GRID2: variants seen among roughly 807,000 people sequenced by gnomAD.
GRID2 encodes glutamate receptor ionotropic, delta-2.
Under a neutral mutation model 114.8 loss-of-function variants are expected in GRID2, and 33 were observed. The observed-to-expected ratio is 0.29, with a 90% CI of 0.22 to 0.38. The LOEUF (loss-of-function observed/expected upper bound fraction) is 0.38. GRID2 is among the 10% of genes least tolerant of loss of function. The pLI, the probability that GRID2 is intolerant of heterozygous loss-of-function variation, is 1.00. For synonymous variants in GRID2, 505 were observed against 449.9 expected, an observed-to-expected ratio of 1.12 and a Z score of -1.55; for missense variants, 1,184 against 1,257.7, an observed-to-expected ratio of 0.94 and a Z score of 0.89.
At chr4:93,583,105 G>A (rs1036890668) in intron 13 of GRID2, among the ~76,000 whole-genome samples, 3 of 152,032 alleles carry the variant, frequency 2.0e-5, no homozygotes, top group South Asian at 2.1e-4. Flanking sequence ...TCGTCTCTAC[G>A]TCTCCATGTG....
At chr4:93,269,666 C>T (rs1389450830) in intron 8 of GRID2, among the ~76,000 whole-genome samples, 1 of 152,188 alleles carries the variant, frequency 6.6e-6, no homozygotes, top group Admixed American at 6.5e-5. Flanking sequence ...TACTAATTAG[C>T]TCCCTTTGGA....
At position 93,547,003 on chromosome 4, in the gene GRID2, G is replaced by A. The variant is rs114656872; in HGVS notation, c.2193+31592G>A. Among the ~76,000 whole-genome samples, 854 of 152,086 alleles carry A rather than the reference G, an allele frequency of 5.6e-3. 7 individuals carry two copies. The highest frequency in any genetic ancestry group is 0.019 in the African/African-American group (788 of 41,490). On this transcript the variant is annotated intron_variant, in intron 13 of 15. Coordinates refer to ENST00000282020, the MANE Select transcript of GRID2 (RefSeq NM_001510.4). ...TGTCTAGGGTCTTTCTAATTTTGCC[G>A]TCAACAAAGCCCATCAAAGGTGAAA...
chr4:93,257,152 A>C (rs1749689297), intron 8 of GRID2, among the ~76,000 whole-genome samples: 1 of 151,882 alleles, frequency 6.6e-6, no homozygotes, highest in African/African-American at 2.4e-5. Flanking sequence ...AAAATGACAT[A>C]TATGTAGTGC....
intron 2 of GRID2, among the ~76,000 whole-genome samples, chr4:92,965,450 T>TAAAAAAAAAAAAAAAAAAAAAAAAAAAA (rs869285420): frequency 2.3e-5 from 2 of 85,758 alleles, no homozygotes; most frequent in African/African-American, 4.4e-5. Context: ...ATTCAATTTG[T>TAAAAAAAAAAAAAAAAAAAAAAAAAAAA]AAAAAAAAAA....
chr4:93,311,356 C>G (rs1258728442), intron 8 of GRID2, among the ~76,000 whole-genome samples: 2 of 152,098 alleles, frequency 1.3e-5, no homozygotes, highest in Non-Finnish European at 2.9e-5. Flanking sequence ...AATAATGAAC[C>G]ATCTGGAGGC....
intron 2 of GRID2, among the ~76,000 whole-genome samples, chr4:92,906,819 T>C (rs1448017226): frequency 6.6e-6 from 1 of 152,054 alleles, no homozygotes; most frequent in Non-Finnish European, 1.5e-5. Flanking sequence ...CAAAATCCTC[T>C]GGTGTTTTAT....
chr4:92,788,767 T>A (rs1286993780), intron 2 of GRID2, among the ~76,000 whole-genome samples: 1 of 151,884 alleles, frequency 6.6e-6, no homozygotes, highest in African/African-American at 2.4e-5. Flanking sequence ...ATATCTATCT[T>A]GAAATATCTA....
chr4:92,796,134 C>T (rs968046645), intron 2 of GRID2, among the ~76,000 whole-genome samples: 5 of 151,844 alleles, frequency 3.3e-5, no homozygotes. Context: ...GATTCTCTTC[C>T]ATAGCACTGA....
chr4:93,049,513 C>G (rs913830403), intron 2 of GRID2, among the ~76,000 whole-genome samples: 7 of 151,250 alleles, frequency 4.6e-5, no homozygotes, highest in Non-Finnish European at 1.0e-4. Flanking sequence ...GAAATTATCC[C>G]CCCCCCAAAA....
intron 1 of GRID2, among the ~76,000 whole-genome samples, chr4:92,364,620 A>G (rs563557115): frequency 2.6e-5 from 4 of 152,164 alleles, no homozygotes; most frequent in South Asian, 2.1e-4. Flanking sequence ...ACTGTTGGCT[A>G]TGTCTCTGTG....
chr4:93,687,453 G>C (rs1021590860), intron 14 of GRID2, among the ~76,000 whole-genome samples: 7 of 152,056 alleles, frequency 4.6e-5, no homozygotes, highest in African/African-American at 1.7e-4. Context: ...AAGGCTGAAG[G>C]CTGAGCTTTA....
At chr4:93,163,386 A>ATACACTATATATATATATATG (rs1737915706) in intron 4 of GRID2, among the ~76,000 whole-genome samples, 1 of 45,288 alleles carries the variant, frequency 2.2e-5, no homozygotes, top group African/African-American at 8.2e-5. Context: ...ATATATATAT[A>ATACACTATATATATATATATG]TATATATATA....
At chr4:93,043,290 A>G (rs1725780757) in intron 2 of GRID2, among the ~76,000 whole-genome samples, 1 of 152,174 alleles carries the variant, frequency 6.6e-6, no homozygotes. Flanking sequence ...TTGCTGATTG[A>G]CCTTCTACCA....
chr4:92,634,319 A>G (rs1730958288), intron 2 of GRID2, among the ~76,000 whole-genome samples: 1 of 152,160 alleles, frequency 6.6e-6, no homozygotes, highest in African/African-American at 2.4e-5. Context: ...GATGTACAAC[A>G]GAATCATGTC....
intron 2 of GRID2, among the ~76,000 whole-genome samples, chr4:92,897,327 T>C (rs1253439767): frequency 6.6e-6 from 1 of 152,184 alleles, no homozygotes; most frequent in Non-Finnish European, 1.5e-5. Flanking sequence ...ATCTCTTTAA[T>C]ACTATTCAGA....
At chr4:92,580,007 T>G (rs1188369718) in intron 1 of GRID2, among the ~76,000 whole-genome samples, 1 of 147,872 alleles carries the variant, frequency 6.8e-6, no homozygotes, top group East Asian at 2.0e-4. Context: ...ATATATTTTA[T>G]ATATAGTATA....
intron 14 of GRID2, among the ~76,000 whole-genome samples, chr4:93,630,237 G>T (rs967772788): frequency 2.0e-5 from 3 of 152,114 alleles, no homozygotes; most frequent in South Asian, 4.1e-4. Flanking sequence ...GGTAAGTAAG[G>T]CTTGCAGTGA....
chr4:92,478,655 T>A (rs1046352356), intron 1 of GRID2, among the ~76,000 whole-genome samples: 50 of 152,258 alleles, frequency 3.3e-4, no homozygotes, highest in African/African-American at 1.1e-3. Flanking sequence ...TTGATCACCA[T>A]GCTGTGATCA....
At chr4:92,599,982 G>A (rs531510917) in intron 2 of GRID2, among the ~76,000 whole-genome samples, 5 of 146,570 alleles carry the variant, frequency 3.4e-5, no homozygotes, top group East Asian at 2.0e-4. Flanking sequence ...GCGAGATTGC[G>A]CCACTGCACT....
Sources: gnomAD v4.1 joint callset for allele counts (sites outside exome capture counted in the v4.1 genomes callset) on GRCh38, gnomAD v4.1.1 for gene constraint, MANE v1.5 for transcripts, NCBI Gene and HGNC (gene_info 2026-07-23, HGNC 2026-07-21) for gene names.